The following FHIT variants were observed in gnomAD, a reference collection of about 807,000 sequenced individuals.
FHIT encodes fragile histidine triad diadenosine triphosphatase.
FHIT carries 19 observed loss-of-function variants against 17.9 expected under a neutral mutation model. The observed-to-expected ratio is 1.06, with a 90% CI of 0.74 to 1.56. The LOEUF (loss-of-function observed/expected upper bound fraction) is 1.56, where lower values mean the gene tolerates loss of function less well. Among genes scored for constraint, FHIT ranks in the 40% most tolerant of loss-of-function variants. The pLI, the probability that FHIT is intolerant of heterozygous loss-of-function variation, is 0.00. For synonymous variants in FHIT, 81 were observed against 69.7 expected, an observed-to-expected ratio of 1.16 and a Z score of -0.81; for missense variants, 248 against 189.2, an observed-to-expected ratio of 1.31 and a Z score of -1.82.
At chr3:59,941,587 G>C (rs1224106841) in intron 7 of FHIT, among the ~76,000 whole-genome samples, 1 of 152,150 alleles carries the variant, frequency 6.6e-6, no homozygotes, top group South Asian at 2.1e-4. Flanking sequence ...TTACTGCCTT[G>C]ATGCTTGCGT....
chr3:61,199,855 C>T (rs1181896035), intron 2 of FHIT, among the ~76,000 whole-genome samples: 5 of 152,042 alleles, frequency 3.3e-5, no homozygotes, highest in Admixed American at 1.3e-4. Context: ...TTGATGAAAC[C>T]GCAGCCCTAT....
intron 2 of FHIT, among the ~76,000 whole-genome samples, chr3:61,062,654 A>G (rs569829186): frequency 4.6e-5 from 7 of 152,346 alleles, no homozygotes; most frequent in Admixed American, 1.3e-4. Context: ...TTTGGACAGT[A>G]TAAATGCAGA....
At chr3:60,314,548 GTTGT>G (rs1238208830) in intron 5 of FHIT, among the ~76,000 whole-genome samples, 4 of 152,152 alleles carry the variant, frequency 2.6e-5, no homozygotes, top group South Asian at 2.1e-4. Context: ...GGTTTCTTTT[GTTGT>G]TTGTTTTTCA....
At chr3:60,444,188 G>A (rs1365131957) in intron 5 of FHIT, among the ~76,000 whole-genome samples, 1 of 152,096 alleles carries the variant, frequency 6.6e-6, no homozygotes. Flanking sequence ...AAAAAGTCAG[G>A]AAACAACAGG....
chr3:59,932,473 T>C (rs1204909900), intron 7 of FHIT, among the ~76,000 whole-genome samples: 1 of 152,148 alleles, frequency 6.6e-6, no homozygotes, highest in Non-Finnish European at 1.5e-5. Flanking sequence ...AAGAGGGGAA[T>C]GGCATATGGG....
chr3:60,786,432 T>C (rs994555330), intron 4 of FHIT, among the ~76,000 whole-genome samples: 8 of 152,200 alleles, frequency 5.3e-5, no homozygotes, highest in African/African-American at 1.7e-4. Flanking sequence ...TGCAGTGTAA[T>C]ATGCTTAAGA....
chr3:59,992,134 A>G (rs982690135), intron 7 of FHIT, among the ~76,000 whole-genome samples: 1 of 151,910 alleles, frequency 6.6e-6, no homozygotes, highest in African/African-American at 2.4e-5. Context: ...AGAATATAGA[A>G]CATGAAGCCC....
At chr3:60,139,087 T>A (rs1471938617) in intron 5 of FHIT, among the ~76,000 whole-genome samples, 1 of 152,168 alleles carries the variant, frequency 6.6e-6, no homozygotes, top group East Asian at 1.9e-4. Context: ...CAGTCTCAAT[T>A]CTGTCTTCCA....
chr3:60,248,049 G>C (rs1436302624), intron 5 of FHIT, among the ~76,000 whole-genome samples: 1 of 152,074 alleles, frequency 6.6e-6, no homozygotes, highest in Non-Finnish European at 1.5e-5. Flanking sequence ...AATTTTACCA[G>C]GTTAGAGGAA....
At chr3:60,628,077 G>A (rs2039340661) in intron 4 of FHIT, among the ~76,000 whole-genome samples, 2 of 152,124 alleles carry the variant, frequency 1.3e-5, no homozygotes, top group African/African-American at 2.4e-5. Context: ...TAAAAATACA[G>A]GTACTTAAGC....
intron 5 of FHIT, among the ~76,000 whole-genome samples, chr3:60,328,864 G>A (rs1319288440): frequency 2.6e-5 from 4 of 152,186 alleles, no homozygotes; most frequent in Non-Finnish European, 5.9e-5. Flanking sequence ...TACCTCTAGA[G>A]TAAGCAATAA....
intron 5 of FHIT, among the ~76,000 whole-genome samples, chr3:60,463,237 G>GA (rs973018019): frequency 1.4e-3 from 210 of 151,092 alleles, no homozygotes; most frequent in African/African-American, 4.2e-3. Context: ...TGTTGAGAAG[G>GA]AAAAAAAAAT....
chr3:61,062,866 T>C (rs761824544), intron 2 of FHIT, among the ~76,000 whole-genome samples: 2 of 152,174 alleles, frequency 1.3e-5, no homozygotes, highest in Admixed American at 6.5e-5. Flanking sequence ...ACGGGATACA[T>C]AGTTGCTATT....
At chr3:59,806,178 CA>C (rs35957311) in intron 8 of FHIT, among the ~76,000 whole-genome samples, 266 of 116,136 alleles carry the variant, frequency 2.3e-3, no homozygotes, top group Admixed American at 2.4e-3. Flanking sequence ...GAATCTGTCT[CA>C]AAAAAAAAAA....
At chr3:60,312,372 G>A (rs1358381657) in intron 5 of FHIT, among the ~76,000 whole-genome samples, 2 of 151,964 alleles carry the variant, frequency 1.3e-5, no homozygotes, top group Non-Finnish European at 2.9e-5. Context: ...GAACTCCTGA[G>A]CACAAGTGAT....
At chr3:60,735,351 G>C (rs2042113867) in intron 4 of FHIT, among the ~76,000 whole-genome samples, 1 of 152,168 alleles carries the variant, frequency 6.6e-6, no homozygotes, top group Non-Finnish European at 1.5e-5. Context: ...TCTGACTCCA[G>C]ATGGTGTAGA....
At chr3:60,311,192 GTCTT>G (rs149830033) in intron 5 of FHIT, among the ~76,000 whole-genome samples, 1,957 of 151,964 alleles carry the variant, frequency 0.013, 39 homozygotes, top group African/African-American at 0.042. Context: ...ACATTACTTT[GTCTT>G]TCTGTTTTCT....
chr3:60,988,944 G>T (rs934868459), intron 3 of FHIT, among the ~76,000 whole-genome samples: 414 of 11,744 alleles, frequency 0.035, no homozygotes, highest in Middle Eastern at 0.071. Flanking sequence ...CCATGGCTTT[G>T]TTAAAAAAAA....
At chr3:60,098,489 T>C (rs61319474) in intron 5 of FHIT, among the ~76,000 whole-genome samples, 1,859 of 152,168 alleles carry the variant, frequency 0.012, 38 homozygotes, top group African/African-American at 0.043. Context: ...TTTTTTCATG[T>C]GTTTTTTGGC....
Sources: gnomAD v4.1 joint callset for allele counts (sites outside exome capture counted in the v4.1 genomes callset) on GRCh38, gnomAD v4.1.1 for gene constraint, MANE v1.5 for transcripts, NCBI Gene and HGNC (gene_info 2026-07-23, HGNC 2026-07-21) for gene names.